BRD10: variants seen among roughly 807,000 people sequenced by gnomAD.
The protein encoded by BRD10 is bromodomain containing 10, also known as uncharacterized bromodomain-containing protein 10.
the BRD10 span, among the ~76,000 whole-genome samples, chr9:5,981,743 C>T: frequency 2.6e-5 from 4 of 152,224 alleles, no homozygotes; most frequent in East Asian, 3.9e-4. Context: ...TACTTCAAAA[C>T]GTCCATCTCT....
the BRD10 span, among the ~76,000 whole-genome samples, chr9:6,004,635 T>C: frequency 6.6e-6 from 1 of 152,240 alleles, no homozygotes; most frequent in Non-Finnish European, 1.5e-5. Context: ...AAAATTCAAA[T>C]AATATCTAAG....
the BRD10 span, among the ~76,000 whole-genome samples, chr9:5,958,727 T>C: frequency 6.6e-6 from 1 of 152,198 alleles, no homozygotes; most frequent in Non-Finnish European, 1.5e-5. Flanking sequence ...CATTCACTCC[T>C]CCCTCTGTAC....
the BRD10 span, chr9:5,920,727 T>G: frequency 6.2e-7 from 1 of 1,613,958 alleles, no homozygotes; most frequent in Non-Finnish European, 8.5e-7. Flanking sequence ...TTTATTATTT[T>G]AGGGGATGTA....
chr9:5,959,804 T>C, the BRD10 span, among the ~76,000 whole-genome samples: 1 of 152,206 alleles, frequency 6.6e-6, no homozygotes, highest in Non-Finnish European at 1.5e-5. Context: ...TATATCTTAT[T>C]TCAAGCTCAA....
chr9:5,986,877 A>G, the BRD10 span, among the ~76,000 whole-genome samples: 18 of 152,202 alleles, frequency 1.2e-4, no homozygotes, highest in Non-Finnish European at 2.5e-4. Flanking sequence ...CATATTAAAC[A>G]ATTTATTCAA....
the BRD10 span, among the ~76,000 whole-genome samples, chr9:5,940,381 GAC>G: frequency 6.6e-6 from 1 of 151,952 alleles, no homozygotes; most frequent in Non-Finnish European, 1.5e-5. Flanking sequence ...TTTTTGTAGA[GAC>G]AGGGTTTCAC....
the BRD10 span, among the ~76,000 whole-genome samples, chr9:6,000,852 C>G: frequency 6.6e-6 from 1 of 152,146 alleles, no homozygotes; most frequent in South Asian, 2.1e-4. Context: ...AATCCTCACA[C>G]AAAGTTCTGC....
At chr9:5,936,513 C>T in the BRD10 span, among the ~76,000 whole-genome samples, 1 of 152,144 alleles carries the variant, frequency 6.6e-6, no homozygotes, top group Non-Finnish European at 1.5e-5. Context: ...AGTAGTGGAA[C>T]ATCCACATGT....
the BRD10 span, among the ~76,000 whole-genome samples, chr9:5,923,476 C>T: frequency 1.3e-5 from 2 of 152,164 alleles, no homozygotes; most frequent in Admixed American, 6.6e-5. Flanking sequence ...AAGGTAAGGT[C>T]ATCTTTGACA....
the BRD10 span, chr9:5,924,530 T>C: frequency 1.9e-6 from 1 of 516,980 alleles, no homozygotes; most frequent in Non-Finnish European, 3.2e-6. Flanking sequence ...GGACACTACT[T>C]CTTCAAAACA....
At chr9:5,955,487 T>A in the BRD10 span, among the ~76,000 whole-genome samples, 1 of 152,232 alleles carries the variant, frequency 6.6e-6, no homozygotes, top group Non-Finnish European at 1.5e-5. Flanking sequence ...ATAATCATCT[T>A]GCAAGAAATA....
the BRD10 span, chr9:5,924,649 A>G: frequency 6.8e-7 from 1 of 1,472,430 alleles, no homozygotes; most frequent in Non-Finnish European, 9.1e-7. Flanking sequence ...AAAAAAGTTT[A>G]ATGCTTACCT....
chr9:6,000,638 A>G, the BRD10 span, among the ~76,000 whole-genome samples: 1 of 151,524 alleles, frequency 6.6e-6, no homozygotes, highest in Non-Finnish European at 1.5e-5. Flanking sequence ...TCAAATTAAT[A>G]TTTTCAAATG....
the BRD10 span, chr9:5,913,721 G>A: frequency 2.1e-5 from 4 of 186,192 alleles, no homozygotes; most frequent in Non-Finnish European, 4.5e-5. Flanking sequence ...AGAACTTCTA[G>A]GTAAATCAAA....
the BRD10 span, among the ~76,000 whole-genome samples, chr9:5,881,042 G>A: frequency 6.6e-6 from 1 of 152,120 alleles, no homozygotes; most frequent in Non-Finnish European, 1.5e-5. Context: ...CAAGGTGGAG[G>A]AAATCACCTA....
chr9:5,974,688 A>C, the BRD10 span, among the ~76,000 whole-genome samples: 1 of 152,286 alleles, frequency 6.6e-6, no homozygotes, highest in East Asian at 1.9e-4. Flanking sequence ...GAGCTGCATA[A>C]AGAGAGAACT....
At chr9:5,943,072 T>C in the BRD10 span, among the ~76,000 whole-genome samples, 1 of 152,138 alleles carries the variant, frequency 6.6e-6, no homozygotes, top group Non-Finnish European at 1.5e-5. Flanking sequence ...AGACGGGGTC[T>C]AGCTATGTTG....
the BRD10 span, among the ~76,000 whole-genome samples, chr9:5,954,259 T>C: frequency 6.6e-6 from 1 of 152,182 alleles, no homozygotes; most frequent in Non-Finnish European, 1.5e-5. Context: ...AAAGCAAACA[T>C]TAAACTATTA....
the BRD10 span, among the ~76,000 whole-genome samples, chr9:5,989,235 T>TTA: frequency 1.9e-4 from 9 of 46,164 alleles, no homozygotes; most frequent in Non-Finnish European, 2.6e-4. Flanking sequence ...TCTGTCTCAT[T>TTA]AAAAAAAAAA....
Sources: gnomAD v4.1 joint callset for allele counts (sites outside exome capture counted in the v4.1 genomes callset) on GRCh38, gnomAD v4.1.1 for gene constraint, MANE v1.5 for transcripts, NCBI Gene and HGNC (gene_info 2026-07-23, HGNC 2026-07-21) for gene names.